Variants in ADCY3 observed in about 807,000 individuals in gnomAD.
The protein encoded by ADCY3 is adenylate cyclase 3.
In ADCY3, 70 loss-of-function variants were observed where a neutral mutation model predicts 119.4. The observed-to-expected ratio is 0.59, with a 90% CI of 0.48 to 0.72. ADCY3 has a LOEUF of 0.72. ADCY3 is among the 30% of genes least tolerant of loss of function. The pLI is 0.00. For synonymous variants in ADCY3, 672 were observed against 621.4 expected (o/e 1.08, Z -1.21); for missense variants, 1,238 against 1,541.6 (o/e 0.80, Z 3.30).
intron 7 of ADCY3, 86 bp from the exon 8 acceptor site, chr2:24,838,708 C>T (rs1380360814): frequency 6.3e-6 from 10 of 1,591,556 alleles, no homozygotes; most frequent in Admixed American, 5.1e-5. Context: ...ACGGCTGCAC[C>T]GGCTGCTGCT....
chr2:24,876,737 T>C (rs1211154338), intron 2 of ADCY3, among the ~76,000 whole-genome samples: 2 of 152,148 alleles, frequency 1.3e-5, no homozygotes, highest in South Asian at 2.1e-4. Flanking sequence ...GGATCGCCTC[T>C]CATTACAGGT....
At chr2:24,905,907 C>T (rs192708214) in intron 2 of ADCY3, among the ~76,000 whole-genome samples, 1 of 152,288 alleles carries the variant, frequency 6.6e-6, no homozygotes, top group African/African-American at 2.4e-5. Flanking sequence ...ATGACTGTGA[C>T]GCCAGTGCTT....
chr2:24,872,617 G>A lies in ADCY3; in HGVS notation c.778C>T (p.Gln260Ter). The A allele has an allele frequency of 1.2e-6, 2 of 1,614,206 alleles. No homozygotes were observed. The highest frequency in any genetic ancestry group is 8.5e-7 in the Non-Finnish European group (1 of 1,180,032). Residue 260 changes from glutamine to a stop codon, truncating the protein, a stop_gained, in exon 3 of 22, where the codon CAG becomes TAG. Transcript: ENST00000679454. LOFTEE classifies it high-confidence loss of function. This position sits in a 1 kb window ranked among gnomAD's most constrained non-coding sequence, Gnocchi z 4.4. The part of the protein sequence containing the change: ...KHRKAFLEAR[Q>*]SLEVKMNLEE... ...AGGTTCATCTTCACCTCCAGCGACT[G>A]GCGGGCCTCCAGGAAGGCCTTGCGG...
intron 3 of ADCY3, among the ~76,000 whole-genome samples, chr2:24,853,322 C>A (rs950570770): frequency 1.2e-4 from 18 of 152,176 alleles, no homozygotes; most frequent in African/African-American, 4.1e-4. Context: ...GGAGCTGCCG[C>A]AGGGGAAGGT....
chr2:24,821,742 T>C, intron 19 of ADCY3, 102 bp from the exon 20 acceptor site: 1 of 1,497,082 alleles, frequency 6.7e-7, no homozygotes, highest in Non-Finnish European at 9.0e-7. Flanking sequence ...TCCCTACACC[T>C]AGATGTTCAA....
At chr2:24,833,602 G>T (rs1230637032) in intron 11 of ADCY3, among the ~76,000 whole-genome samples, 2 of 152,230 alleles carry the variant, frequency 1.3e-5, no homozygotes, top group South Asian at 2.1e-4. Context: ...TTTGCCTGTA[G>T]CTTCCCCTAC....
At chr2:24,864,580 C>A (rs185453248) in intron 3 of ADCY3, among the ~76,000 whole-genome samples, 2 of 152,276 alleles carry the variant, frequency 1.3e-5, no homozygotes, top group East Asian at 3.9e-4. Flanking sequence ...CACAGAAGAA[C>A]CTTGAAGACA....
chr2:24,872,688 G>T lies in ADCY3; in HGVS notation c.707C>A (p.Ala236Asp). The change falls in exon 3 of 22, where the codon GCC (alanine) becomes GAC (aspartate). Residue 236 changes from alanine to aspartate, a missense_variant. Coordinates refer to ENST00000679454, the MANE Select transcript of ADCY3 (RefSeq NM_004036.5). This position sits in a 1 kb window ranked among gnomAD's most constrained non-coding sequence, Gnocchi z 4.4. ...GTAGGACATGATGCCCACAGCGATGGCGCACAGGTAGAGGAAGACGTTGGC... is the reference window on the plus strand; with the variant it reads ...GTAGGACATGATGCCCACAGCGATGTCGCACAGGTAGAGGAAGACGTTGGC... ...ILANVFLYLC[A>D]IAVGIMSYYM... 6.2e-7 allele frequency: 1 copy of T among 1,614,202 alleles called. No homozygotes were observed.
intron 3 of ADCY3, among the ~76,000 whole-genome samples, chr2:24,851,905 TGTAAACCCCGG>T (rs1672338176): frequency 6.6e-6 from 1 of 152,304 alleles, no homozygotes; most frequent in East Asian, 1.9e-4. Flanking sequence ...TTCCCTGCCG[TGTAAACCCCGG>T]ATTTAGCAGG....
intron 2 of ADCY3, among the ~76,000 whole-genome samples, chr2:24,904,266 A>G (rs1347006563): frequency 6.6e-6 from 1 of 152,236 alleles, no homozygotes; most frequent in Non-Finnish European, 1.5e-5. Context: ...GTGGTGGCTC[A>G]CGCCTGTAAT....
chr2:24,837,051 G>C lies in ADCY3; in HGVS notation c.1534-6C>G, dbSNP rs778148258. ...GGTGCTCCATTGGGCAGGGCCTAGA[G>C]GAAAGGAGAGCTCAGCCATGATCTG... On this transcript the variant is annotated splice_region_variant and splice_polypyrimidine_tract_variant and intron_variant, in intron 8 of 21. Transcript: ENST00000679454. 9 of 1,613,752 alleles carry C rather than the reference G, an allele frequency of 5.6e-6. No homozygotes were observed. The highest frequency in any genetic ancestry group is 7.6e-6 in the Non-Finnish European group (9 of 1,179,852).
chr2:24,836,962 G>A lies in ADCY3; in HGVS notation c.1617C>T (p.His539=). ...GCTTCTCCGACGTGGACCCACTGCTGTGGGCACTCCCGTTGGGCTCCTTGG... is the reference window on the plus strand; with the variant it reads ...GCTTCTCCGACGTGGACCCACTGCTATGGGCACTCCCGTTGGGCTCCTTGG... ...IETKEPNGSA[H]SSGSTSEKPE... is the part of the protein sequence containing the mutation. Residue 539 remains histidine (H), a synonymous_variant, in exon 9 of 22, where the codon CAC becomes CAT. Transcript: ENST00000679454. 1 of 1,614,008 alleles carries A rather than the reference G, an allele frequency of 6.2e-7. No homozygotes were observed. The highest frequency in any genetic ancestry group is 1.1e-5 in the South Asian group (1 of 91,070).
chr2:24,872,453 G>A lies in ADCY3; in HGVS notation c.825+117C>T. 1 of 1,267,372 alleles carries A rather than the reference G, an allele frequency of 7.9e-7. No individual in the cohort carries two copies. Among genetic ancestry groups the A allele is most frequent in the South Asian group, 1.4e-5 (1 of 70,310 alleles). 78.5% of individuals were successfully genotyped at this position (1,267,372 alleles called of 1,614,324 possible). On this transcript the variant is annotated intron_variant, in intron 3 of 21. Transcript: ENST00000679454. This position sits in a 1 kb window ranked among gnomAD's most constrained non-coding sequence, Gnocchi z 4.4. ...AGTTCAGAAGCAAACACCTGAACAG[G>A]GTGGATGAACGCCAAGCCCCACGGA... is the stretch of plus-strand genomic sequence containing the variant.
intron 16 of ADCY3, 111 bp from the exon 17 acceptor site, chr2:24,824,647 G>C (rs1668333147): frequency 8.1e-7 from 1 of 1,228,846 alleles, no homozygotes; most frequent in Non-Finnish European, 1.1e-6. Flanking sequence ...CCAGCACTTT[G>C]GGAGGCCGAG....
chr2:24,834,410 GAC>G lies in ADCY3; in HGVS notation c.1967+73_1967+74del. The G allele has an allele frequency of 1.5e-6, 2 of 1,333,268 alleles. No individual in the cohort carries two copies. Among genetic ancestry groups the G allele is most frequent in the Non-Finnish European group, 2.1e-6 (2 of 969,714 alleles). The allele number at this position is 1,333,268 out of a possible 1,614,324, so 82.6% of individuals were successfully genotyped here. A position where few individuals can be genotyped will look rare whatever the true frequency, so the allele number is the denominator to read the frequency against. ...CTCCCCAATGTCAGGCTCCCGCTGAGACACCTGCCCCCGCCCCCCGCCCGGCA... is the reference window on the plus strand; with the variant it reads ...CTCCCCAATGTCAGGCTCCCGCTGAGACCTGCCCCCGCCCCCCGCCCGGCA... On this transcript the variant is annotated intron_variant, in intron 11 of 21. Transcript: ENST00000679454. The surrounding 1 kb of genome is among the most constrained non-coding windows in gnomAD (Gnocchi z 4.2).
intron 2 of ADCY3, among the ~76,000 whole-genome samples, chr2:24,883,235 C>A (rs1462043625): frequency 6.6e-6 from 1 of 151,214 alleles, no homozygotes; most frequent in Non-Finnish European, 1.5e-5. Context: ...GTAGTCCCAG[C>A]TACTTGGGAA....
chr2:24,920,111 G>A lies in ADCY3; in HGVS notation c.-626C>T, dbSNP rs1442098412. On this transcript the variant is annotated 5_prime_UTR_variant, in exon 1 of 22. Coordinates refer to ENST00000679454, the MANE Select transcript of ADCY3 (RefSeq NM_004036.5). The surrounding 1 kb of genome is among the most constrained non-coding windows in gnomAD (Gnocchi z 4.5). Reference sequence around the variant, plus strand: ...GCCCTCCCCGGCGGGAGCGCGGGCCGAGCCCGGGGAAGCCCGCCAGCATCC... The same window carrying A: ...GCCCTCCCCGGCGGGAGCGCGGGCCAAGCCCGGGGAAGCCCGCCAGCATCC... 6.8e-6 allele frequency among the ~76,000 whole-genome samples: 1 copy of A among 145,990 alleles called. No individual in the cohort carries two copies. The highest frequency in any genetic ancestry group is 1.5e-5 in the Non-Finnish European group (1 of 65,674).
In ADCY3 at chr2:24,824,505, C is replaced by T. The variant is rs763802630; in HGVS notation, c.2609G>A (p.Trp870Ter). The T allele has an allele frequency of 1.2e-6, 2 of 1,614,202 alleles. No homozygotes were observed. Among genetic ancestry groups the T allele is most frequent in the African/African-American group, 1.3e-5 (1 of 75,050 alleles). ...CTTCTGGTCGTGGACCTCAATCTTC[C>T]ACAAGAAAAGTGTCCGTGCCAGTTT... ...VEKLARTLFL[W>*]KIEVHDQKER... The change falls in exon 17 of 22, where the codon TGG becomes TAG. Residue 870 changes from tryptophan (W) to a stop codon, truncating the protein, a stop_gained. Coordinates refer to ENST00000679454, the MANE Select transcript of ADCY3 (RefSeq NM_004036.5). LOFTEE classifies it high-confidence loss of function.
chr2:24,913,937 A>T lies in ADCY3; in HGVS notation c.675+4376T>A, dbSNP rs72849304. On this transcript the variant is annotated intron_variant, in intron 2 of 21. Transcript: ENST00000679454. ...AGCAGTTCCTAGTCCCTACTTTGCCAAATGCTAAAGGCACGCCCCGCCCAC... is the reference window on the plus strand; with the variant it reads ...AGCAGTTCCTAGTCCCTACTTTGCCTAATGCTAAAGGCACGCCCCGCCCAC... 7.8e-3 allele frequency among the ~76,000 whole-genome samples: 1,190 copies of T among 152,200 alleles called. 13 individuals are homozygous for T. Among genetic ancestry groups the T allele is most frequent in the African/African-American group, 0.028 (1,153 of 41,478 alleles).
Sources: gnomAD v4.1 joint callset for allele counts (sites outside exome capture counted in the v4.1 genomes callset) on GRCh38, gnomAD v4.1.1 for gene constraint, Gnocchi (gnomAD v3.1) non-coding constraint, MANE v1.5 for transcripts, NCBI Gene and HGNC (gene_info 2026-07-23, HGNC 2026-07-21) for gene names.